Variants in QPRT observed in about 807,000 individuals in gnomAD.
QPRT encodes quinolinate phosphoribosyltransferase.
Under a neutral mutation model 19.8 loss-of-function variants are expected in QPRT, and 17 were observed. The observed-to-expected ratio is 0.86, with a 90% CI of 0.59 to 1.29. The LOEUF (loss-of-function observed/expected upper bound fraction) is 1.29. QPRT is among the 50% of genes most tolerant of loss of function. The probability of loss-of-function intolerance (pLI) is 0.00; values close to 1 mark genes in which losing one functional copy is unlikely to be tolerated. For missense variants in QPRT, 336 were observed against 405.1 expected (o/e 0.83, Z 1.46); for synonymous variants, 178 against 191.0 (o/e 0.93, Z 0.56).
chr16:29,684,723 G>A (rs868247808), intron 1 of QPRT, among the ~76,000 whole-genome samples: 7 of 152,106 alleles, frequency 4.6e-5, no homozygotes, highest in African/African-American at 1.2e-4. Flanking sequence ...TCCTGCTGCC[G>A]CCTCAGCCTT....
At chr16:29,679,388 C>T (rs746142199) in intron 1 of QPRT, among the ~76,000 whole-genome samples, 178 bp downstream of exon 1, 20 of 152,124 alleles carry the variant, frequency 1.3e-4, no homozygotes, top group Non-Finnish European at 2.1e-4. Flanking sequence ...CCCCCAGAGG[C>T]CCCTTCTCAC....
At chr16:29,687,620 G>T (rs1165972838) in intron 1 of QPRT, among the ~76,000 whole-genome samples, 1 of 152,112 alleles carries the variant, frequency 6.6e-6, no homozygotes, top group Non-Finnish European at 1.5e-5. Context: ...GGTGGCACAT[G>T]CCTGTAATCC....
Position 29,697,285 on chromosome 16 carries a change from C to G in QPRT, c.768C>G (p.Leu256=), listed in dbSNP as rs777029809. 5 of 1,614,166 alleles carry G rather than the reference C, an allele frequency of 3.1e-6. No homozygotes were observed. The highest frequency in any genetic ancestry group is 4.2e-6 in the Non-Finnish European group (5 of 1,180,024). ...GTGGGGGCATCACCCTGGACAACCT[C>G]CCCCAGTTCTGCGGGCCGCACATAG... ...EASGGITLDN[L]PQFCGPHIDV... is the part of the protein sequence containing the mutation. The change falls in exon 4 of 4, where the codon CTC becomes CTG. Residue 256 remains leucine (L), a synonymous_variant. Transcript: ENST00000395384. The surrounding 1 kb of genome is among the most constrained non-coding windows in gnomAD (Gnocchi z 4.4).
Position 29,697,478 on chromosome 16 carries a change from A to G in QPRT, c.*67A>G. On this transcript the variant is annotated 3_prime_UTR_variant, in exon 4 of 4. Transcript: ENST00000395384. This position sits in a 1 kb window ranked among gnomAD's most constrained non-coding sequence, Gnocchi z 4.4. The stretch of plus-strand genomic sequence containing the variant: ...GGCTCCTCAGGACCCTCTGGGTCAC[A>G]CATCTTTAGGGTCAGTGGCCAATGG... 1 of 1,497,232 alleles carries G rather than the reference A, an allele frequency of 6.7e-7. No homozygotes were observed. The highest frequency in any genetic ancestry group is 1.2e-5 in the South Asian group (1 of 82,470). 92.7% of individuals were successfully genotyped at this position (1,497,232 alleles called of 1,614,324 possible).
At chr16:29,688,423 C>G (rs1297423103) in intron 1 of QPRT, among the ~76,000 whole-genome samples, 1 of 152,104 alleles carries the variant, frequency 6.6e-6, no homozygotes, top group Non-Finnish European at 1.5e-5. Flanking sequence ...CACGGAAGTC[C>G]AAGGCCTAAC....
At chr16:29,690,673 G>A (rs1479402383) in intron 1 of QPRT, among the ~76,000 whole-genome samples, 1 of 151,980 alleles carries the variant, frequency 6.6e-6, no homozygotes, top group Non-Finnish European at 1.5e-5. Context: ...GGTCCCTATT[G>A]TTGTGTGTAT....
At chr16:29,679,173 C>A, upstream of QPRT, 1 of 1,613,774 alleles carries the variant, frequency 6.2e-7, no homozygotes, top group Non-Finnish European at 8.5e-7. Flanking sequence ...AGCCAACACA[C>A]CAGCCCAGAC....
chr16:29,694,093 G>A (rs1174357361), intron 1 of QPRT, among the ~76,000 whole-genome samples: 2 of 151,888 alleles, frequency 1.3e-5, no homozygotes, highest in East Asian at 1.9e-4. Flanking sequence ...TGGGATTACA[G>A]TCGTGAGCCA....
At chr16:29,679,079 G>A (rs758590909), upstream of QPRT, 1 of 1,579,336 alleles carries the variant, frequency 6.3e-7, no homozygotes, top group Non-Finnish European at 8.7e-7. Context: ...AGCCTGGGAA[G>A]GGCCGGCTGA....
Position 29,696,811 on chromosome 16 carries a change from A to G in QPRT, c.550-185A>G, listed in dbSNP as rs370668015. The G allele has an allele frequency of 1.3e-4, 82 of 638,644 alleles. 1 individual carries two copies. The East Asian group carries it at 1.7e-3, about 14-fold the overall frequency. The allele number at this position is 638,644 out of a possible 1,614,324, so 39.6% of individuals were successfully genotyped here. A position where few individuals can be genotyped will look rare whatever the true frequency, so the allele number is the denominator to read the frequency against. On this transcript the variant is annotated intron_variant, in intron 2 of 3. Transcript: ENST00000395384. ...CAAAACAAAGCAAAAACAACCCCAAAGTCTGGTTTCCTTATTAACCCCAAG... is the reference window on the plus strand; with the variant it reads ...CAAAACAAAGCAAAAACAACCCCAAGGTCTGGTTTCCTTATTAACCCCAAG...
At chr16:29,686,200 A>G (rs1425956309) in intron 1 of QPRT, among the ~76,000 whole-genome samples, 1 of 152,008 alleles carries the variant, frequency 6.6e-6, no homozygotes, top group Non-Finnish European at 1.5e-5. Context: ...GATCTGGCCA[A>G]ATTCCTCAGC....
chr16:29,680,248 G>T (rs900097433), intron 1 of QPRT, among the ~76,000 whole-genome samples: 1 of 152,112 alleles, frequency 6.6e-6, no homozygotes, highest in Non-Finnish European at 1.5e-5. Flanking sequence ...TAGCCACCGT[G>T]CCCGGCCAAC....
intron 1 of QPRT, among the ~76,000 whole-genome samples, chr16:29,682,830 T>C (rs1344905949): frequency 6.6e-6 from 1 of 152,222 alleles, no homozygotes; most frequent in Non-Finnish European, 1.5e-5. Flanking sequence ...AATTTGCTTT[T>C]AGTTTGTTTG....
At chr16:29,692,977 C>T (rs1286937915) in intron 1 of QPRT, among the ~76,000 whole-genome samples, 1 of 151,476 alleles carries the variant, frequency 6.6e-6, no homozygotes, top group African/African-American at 2.4e-5. Context: ...AGGCGAATCG[C>T]TTGAATCCGG....
chr16:29,697,092 G>A lies in QPRT; in HGVS notation c.646G>A (p.Ala216Thr). 1 of 1,611,006 alleles carries A rather than the reference G, an allele frequency of 6.2e-7. No homozygotes were observed. The highest frequency in any genetic ancestry group is 1.1e-5 in the South Asian group (1 of 90,772). ...QEAVQAAEAG[A>T]DLVLLDNFKP... ...GGCCGTGCAGGCAGCTGAGGCTGGTGCCGACCTTGTCCTGCTGGACAACTT... is the reference window on the plus strand; with the variant it reads ...GGCCGTGCAGGCAGCTGAGGCTGGTACCGACCTTGTCCTGCTGGACAACTT... Residue 216 changes from alanine to threonine, a missense_variant, in exon 3 of 4, where the codon GCC becomes ACC. Ala to Thr is a moderately conservative substitution (Grantham distance 58, BLOSUM62 0). Coordinates refer to ENST00000395384, the MANE Select transcript of QPRT (RefSeq NM_014298.6). This position sits in a 1 kb window ranked among gnomAD's most constrained non-coding sequence, Gnocchi z 4.4.
intron 2 of QPRT, 59 bp downstream of exon 2, chr16:29,695,258 T>G (rs1273374235): frequency 2.1e-6 from 3 of 1,423,928 alleles, no homozygotes; most frequent in African/African-American, 1.6e-5. Context: ...TCCCCTCCCC[T>G]CCCCTCTCCA....
intron 1 of QPRT, among the ~76,000 whole-genome samples, chr16:29,683,061 G>C (rs1967056881): frequency 7.0e-6 from 1 of 142,062 alleles, no homozygotes; most frequent in African/African-American, 2.6e-5. Context: ...ATCTCACTCT[G>C]TTGCCCAGGC....
At chr16:29,683,061 G>A (rs1967056881) in intron 1 of QPRT, among the ~76,000 whole-genome samples, 1 of 142,060 alleles carries the variant, frequency 7.0e-6, no homozygotes, top group Non-Finnish European at 1.5e-5. Flanking sequence ...ATCTCACTCT[G>A]TTGCCCAGGC....
intron 2 of QPRT, chr16:29,696,463 G>A (rs1967535879): frequency 6.7e-6 from 1 of 150,198 alleles, no homozygotes; most frequent in South Asian, 2.1e-4. Context: ...CTCCAGCCTG[G>A]GCGACAGAGC....
Sources: allele counts gnomAD v4.1 joint callset (sites outside exome capture counted in the v4.1 genomes callset), GRCh38; gene constraint gnomAD v4.1.1; non-coding constraint Gnocchi (gnomAD v3.1); transcripts MANE v1.5; gene names NCBI Gene and HGNC (gene_info 2026-07-23, HGNC 2026-07-21).